Variants in HMGCLL1 observed in about 807,000 individuals in gnomAD.
The protein encoded by HMGCLL1 is 3-hydroxymethyl-3-methylglutaryl-CoA lyase, cytoplasmic.
HMGCLL1 carries 36 observed loss-of-function variants against 39.1 expected under a neutral mutation model. The observed-to-expected ratio is 0.92, with a 90% CI of 0.71 to 1.22. The LOEUF is 1.22. Among genes scored for constraint, HMGCLL1 ranks in the 50% most tolerant of loss-of-function variants. The probability of loss-of-function intolerance (pLI) is 0.00; values close to 1 mark genes in which losing one functional copy is unlikely to be tolerated. For missense variants in HMGCLL1, 451 were observed against 416.5 expected (o/e 1.08, Z -0.72); for synonymous variants, 149 against 144.0 (o/e 1.03, Z -0.25).
At chr6:55,580,814 T>G (rs1771972386), upstream of HMGCLL1, among the ~76,000 whole-genome samples, 1 of 152,170 alleles carries the variant, frequency 6.6e-6, no homozygotes, top group Non-Finnish European at 1.5e-5. Flanking sequence ...CTCCGGTTGT[T>G]ATTTACCTAA....
the HMGCLL1 span, among the ~76,000 whole-genome samples, chr6:55,584,903 C>T: frequency 2.0e-5 from 3 of 151,486 alleles, no homozygotes; most frequent in Non-Finnish European, 2.9e-5. Context: ...CAGCCTTAAA[C>T]AATAAAAAAG....
Position 55,547,226 on chromosome 6 carries a change from C to T in HMGCLL1, c.109-5086G>A, listed in dbSNP as rs1158256854. The stretch of plus-strand genomic sequence containing the variant: ...TTTTATACAGAACATAAGTAATGTG[C>T]TTCACTCACATTTTTCAATCTTACA... On this transcript the variant is annotated intron_variant, in intron 1 of 8. Transcript: ENST00000274901. Among the ~76,000 whole-genome samples, 4 of 152,000 alleles carry T rather than the reference C, an allele frequency of 2.6e-5. No homozygotes were observed. The East Asian group carries it at 7.7e-4, about 29-fold the overall frequency.
the HMGCLL1 span, among the ~76,000 whole-genome samples, chr6:55,607,824 A>G: frequency 6.6e-6 from 1 of 152,150 alleles, no homozygotes; most frequent in South Asian, 2.1e-4. Flanking sequence ...ACTAGAAGAG[A>G]CAAGGTTCTT....
At chr6:55,525,610 G>A (rs1449228262) in intron 3 of HMGCLL1, among the ~76,000 whole-genome samples, 2 of 151,922 alleles carry the variant, frequency 1.3e-5, no homozygotes, top group Admixed American at 6.6e-5. Context: ...ATTTACTGAA[G>A]GGTCCAGTGT....
chr6:55,620,902 T>TATA, the HMGCLL1 span, among the ~76,000 whole-genome samples: 4 of 152,182 alleles, frequency 2.6e-5, no homozygotes. Flanking sequence ...ATGTTTGTTC[T>TATA]TGATACCTTT....
At chr6:55,471,499 CTACATCTT>C (rs1408878809) in intron 7 of HMGCLL1, among the ~76,000 whole-genome samples, 1 of 151,680 alleles carries the variant, frequency 6.6e-6, no homozygotes, top group Non-Finnish European at 1.5e-5. Flanking sequence ...TTCTGTAAGT[CTACATCTT>C]TACCAACATT....
intron 7 of HMGCLL1, among the ~76,000 whole-genome samples, chr6:55,476,616 A>G (rs1161053361): frequency 6.6e-6 from 1 of 151,700 alleles, no homozygotes; most frequent in Non-Finnish European, 1.5e-5. Context: ...ATAATTTTCT[A>G]CATCATTTGA....
the HMGCLL1 span, among the ~76,000 whole-genome samples, chr6:55,622,106 AT>A: frequency 6.6e-6 from 1 of 151,994 alleles, no homozygotes; most frequent in Non-Finnish European, 1.5e-5. Flanking sequence ...AATGCTACTG[AT>A]TTTTGTATAT....
At chr6:55,552,125 A>T (rs976290588) in intron 1 of HMGCLL1, among the ~76,000 whole-genome samples, 2 of 152,008 alleles carry the variant, frequency 1.3e-5, no homozygotes, top group Non-Finnish European at 2.9e-5. Context: ...GGATCCAAAA[A>T]CAAACAAACA....
At chr6:55,553,248 C>CGTGTGTGTGTGTGG (rs1554158808) in intron 1 of HMGCLL1, among the ~76,000 whole-genome samples, 18 of 143,720 alleles carry the variant, frequency 1.3e-4, no homozygotes, top group Admixed American at 1.1e-3. Flanking sequence ...TACATATATA[C>CGTGTGTGTGTGTGG]GTGTGTGTGT....
At chr6:55,486,359 T>C (rs1472232878) in intron 7 of HMGCLL1, among the ~76,000 whole-genome samples, 1 of 152,078 alleles carries the variant, frequency 6.6e-6, no homozygotes, top group Non-Finnish European at 1.5e-5. Context: ...ACTATTTTAT[T>C]TGGCAGGCAG....
Position 55,452,236 on chromosome 6 carries a change from A to G in HMGCLL1, c.796-12677T>C, listed in dbSNP as rs188143337. Reference sequence around the variant, plus strand: ...CCTCTCATAAAGAAGGGTTTCTGGAAACTGCTCAATGACTCTTTTATTAAT... The same window carrying G: ...CCTCTCATAAAGAAGGGTTTCTGGAGACTGCTCAATGACTCTTTTATTAAT... On this transcript the variant is annotated intron_variant, in intron 7 of 8. Coordinates refer to ENST00000274901, the MANE Select transcript of HMGCLL1 (RefSeq NM_001042406.2). 6.9e-4 allele frequency among the ~76,000 whole-genome samples: 105 copies of G among 152,310 alleles called. 3 individuals are homozygous for G. In the East Asian group the frequency reaches 0.018, roughly 26 times the overall value.
the HMGCLL1 span, among the ~76,000 whole-genome samples, chr6:55,670,371 C>T: frequency 2.6e-5 from 4 of 151,580 alleles, no homozygotes; most frequent in African/African-American, 9.7e-5. Context: ...GTACTTCAGA[C>T]AAAACAGAAA....
At chr6:55,512,660 TC>T (rs1767525600) in intron 5 of HMGCLL1, 1 of 152,016 alleles carries the variant, frequency 6.6e-6, no homozygotes, top group East Asian at 1.9e-4. Context: ...CTCTAATTGT[TC>T]CCCCAAAACA....
At chr6:55,469,043 C>T (rs984469606) in intron 7 of HMGCLL1, among the ~76,000 whole-genome samples, 15 of 151,424 alleles carry the variant, frequency 9.9e-5, no homozygotes, top group Non-Finnish European at 1.5e-4. Flanking sequence ...CCTTTCTTCA[C>T]TAATTAGTTT....
chr6:55,490,343 A>G (rs1369125435), intron 7 of HMGCLL1, among the ~76,000 whole-genome samples: 1 of 152,164 alleles, frequency 6.6e-6, no homozygotes, highest in Non-Finnish European at 1.5e-5. Flanking sequence ...ATGATTTACA[A>G]AACACAACAA....
At chr6:55,521,936 T>C (rs1389990554) in intron 3 of HMGCLL1, among the ~76,000 whole-genome samples, 1 of 151,990 alleles carries the variant, frequency 6.6e-6, no homozygotes, top group Non-Finnish European at 1.5e-5. Context: ...AAGTTTTAAA[T>C]GCAAAGAAAA....
chr6:55,638,276 G>T, the HMGCLL1 span, among the ~76,000 whole-genome samples: 3 of 151,686 alleles, frequency 2.0e-5, no homozygotes, highest in Admixed American at 2.0e-4. Context: ...GTGTGGTGGC[G>T]GGCGCTTGTA....
intron 3 of HMGCLL1, among the ~76,000 whole-genome samples, chr6:55,540,229 G>C (rs1769345704): frequency 6.6e-6 from 1 of 152,156 alleles, no homozygotes. Context: ...GTATCAATGG[G>C]ACTGAAAAGA....
Sources: allele counts gnomAD v4.1 joint callset (sites outside exome capture counted in the v4.1 genomes callset), GRCh38; gene constraint gnomAD v4.1.1; transcripts MANE v1.5; gene names NCBI Gene and HGNC (gene_info 2026-07-23, HGNC 2026-07-21).